Variants in LRCH2 observed in about 807,000 individuals in gnomAD.
LRCH2 encodes leucine rich repeats and calponin homology domain containing 2.
Under a neutral mutation model 68.9 loss-of-function variants are expected in LRCH2, and 38 were observed. The ratio of observed to expected loss-of-function variants is 0.55; its 90% CI spans 0.43 to 0.72. LRCH2 has a LOEUF of 0.72. Ranked by LOEUF, LRCH2 falls within the 30% of genes least tolerant of loss-of-function variation. LRCH2 has a pLI of 0.00. For missense variants in LRCH2, 528 were observed against 572.9 expected, an observed-to-expected ratio of 0.92 and a Z score of 0.80; for synonymous variants, 191 against 208.1, an observed-to-expected ratio of 0.92 and a Z score of 0.71.
intron 1 of LRCH2, chrX:115,189,687 C>G: frequency 8.6e-7 from 1 of 1,168,206 alleles, no homozygotes; most frequent in Non-Finnish European, 1.1e-6. Flanking sequence ...TCATGGTGGC[C>G]CAGACCATCA....
chrX:115,154,769 C>T (rs1556539150), intron 12 of LRCH2, among the ~76,000 whole-genome samples: 1 of 111,202 alleles, frequency 9.0e-6, no homozygotes, highest in Non-Finnish European at 1.9e-5. Context: ...GGAATGCAAA[C>T]ATAAAAGCTT....
intron 16 of LRCH2, among the ~76,000 whole-genome samples, chrX:115,125,454 T>C (rs1482250310): frequency 0.47 from 598 of 1,284 alleles, 42 homozygotes; most frequent in East Asian, 0.5. Flanking sequence ...TATATATATA[T>C]ATATATATAT....
intron 1 of LRCH2, among the ~76,000 whole-genome samples, chrX:115,228,358 A>T (rs1556577174): frequency 9.0e-6 from 1 of 111,323 alleles, no homozygotes; most frequent in South Asian, 3.8e-4. Context: ...TGTAGAGAAA[A>T]AAAGAAAACT....
At chrX:115,200,158 T>C (rs868967252) in intron 1 of LRCH2, among the ~76,000 whole-genome samples, 1 of 110,956 alleles carries the variant, frequency 9.0e-6, no homozygotes, top group Non-Finnish European at 1.9e-5. Flanking sequence ...AGAGGGAAAT[T>C]TGTAGCATTA....
intron 1 of LRCH2, among the ~76,000 whole-genome samples, chrX:115,225,446 C>T (rs782084578): frequency 3.6e-5 from 4 of 111,311 alleles, no homozygotes; most frequent in Non-Finnish European, 7.5e-5. Context: ...AACTCCACCT[C>T]GTGCTATACA....
chrX:115,207,247 A>G (rs1297127993), intron 1 of LRCH2, among the ~76,000 whole-genome samples: 1 of 111,842 alleles, frequency 8.9e-6, no homozygotes, highest in Non-Finnish European at 1.9e-5. Context: ...CGGGGGAAAA[A>G]AAAACAGCTG....
chrX:115,137,954 A>G (rs1350128930), intron 14 of LRCH2, among the ~76,000 whole-genome samples: 1 of 102,367 alleles, frequency 9.8e-6, no homozygotes, highest in East Asian at 3.1e-4. Flanking sequence ...GTCTCAAGAG[A>G]AAAAAAAAAG....
chrX:115,202,477 C>A (rs1463382710), intron 1 of LRCH2, among the ~76,000 whole-genome samples: 15 of 111,605 alleles, frequency 1.3e-4, no homozygotes, highest in Admixed American at 1.1e-3. Context: ...GACTACTATG[C>A]ATGTAATAAA....
At position 115,126,912 on chromosome X, in the gene LRCH2, A is replaced by C; in HGVS notation, c.1741-19T>G. The C allele has an allele frequency of 1.1e-6, 1 of 929,147 alleles. No homozygotes were observed. The highest frequency in any genetic ancestry group is 1.4e-6 in the Non-Finnish European group (1 of 690,562). The allele number at this position is 929,147 out of a possible 1,213,427, so 76.6% of individuals were successfully genotyped here. On this transcript the variant is annotated intron_variant, in intron 15 of 20. Transcript: ENST00000317135. The stretch of plus-strand genomic sequence containing the variant: ...TGTCTTGCTAAAACATAAAAATAAA[A>C]AGATGGAAGATGAAATTACAATACA...
At chrX:115,158,132 A>T (rs190920915) in intron 11 of LRCH2, among the ~76,000 whole-genome samples, 17 of 111,857 alleles carry the variant, frequency 1.5e-4, no homozygotes, top group Admixed American at 1.4e-3. Context: ...AAAAGACTAT[A>T]CAATTCAGCT....
At chrX:115,139,947 G>C (rs1253973302) in intron 14 of LRCH2, among the ~76,000 whole-genome samples, 1 of 111,158 alleles carries the variant, frequency 9.0e-6, no homozygotes, top group Non-Finnish European at 1.9e-5. Flanking sequence ...GCAATTTCTA[G>C]GCAACTCCTA....
rs181636427 is a variant in LRCH2 at position 115,190,390 on chromosome X, T to C, written c.350-2020A>G. On this transcript the variant is annotated intron_variant, in intron 1 of 20. Transcript: ENST00000317135. ...AGGCCCATGCGGCGCTGCCCCTGTG[T>C]GGGGGACACCGCCATCTTATGGAGG... 4.7e-4 allele frequency: 548 copies of C among 1,160,746 alleles called. No homozygotes were observed. The African/African-American group carries it at 8.6e-3, about 18-fold the overall frequency.
At chrX:115,210,024 T>C (rs887971361) in intron 1 of LRCH2, among the ~76,000 whole-genome samples, 1 of 111,382 alleles carries the variant, frequency 9.0e-6, no homozygotes, top group African/African-American at 3.3e-5. Flanking sequence ...AAGCACTCAG[T>C]TTTAAAAGGG....
At chrX:115,131,510 G>C (rs77072500) in intron 14 of LRCH2, among the ~76,000 whole-genome samples, 11,560 of 111,069 alleles carry the variant, frequency 0.1, 591 homozygotes, top group Non-Finnish European at 0.16. Flanking sequence ...TATCATTGTT[G>C]GGCATTTGGG....
At chrX:115,179,225 T>A (rs2072673663) in intron 5 of LRCH2, among the ~76,000 whole-genome samples, 1 of 111,762 alleles carries the variant, frequency 8.9e-6, no homozygotes, top group African/African-American at 3.2e-5. Flanking sequence ...AAAGTTATTA[T>A]CTGGGTTTTC....
At chrX:115,176,914 T>C (rs782470595) in intron 5 of LRCH2, among the ~76,000 whole-genome samples, 1 of 107,885 alleles carries the variant, frequency 9.3e-6, no homozygotes, top group Non-Finnish European at 1.9e-5. Flanking sequence ...ACCCAGCTAA[T>C]TTTTTGTACT....
At chrX:115,217,732 G>A (rs1376943624) in intron 1 of LRCH2, among the ~76,000 whole-genome samples, 2 of 111,562 alleles carry the variant, frequency 1.8e-5, no homozygotes, top group Non-Finnish European at 3.8e-5. Context: ...ATAATGCTTC[G>A]GTTATATACC....
At chrX:115,199,242 CAG>C (rs1452862399) in intron 1 of LRCH2, among the ~76,000 whole-genome samples, 1 of 112,255 alleles carries the variant, frequency 8.9e-6, no homozygotes, top group South Asian at 3.6e-4. Context: ...GAAAAAGAAA[CAG>C]AGAATTTATA....
At chrX:115,171,841 G>A (rs782603568) in intron 5 of LRCH2, among the ~76,000 whole-genome samples, 6 of 108,578 alleles carry the variant, frequency 5.5e-5, no homozygotes, top group Admixed American at 9.9e-5. Context: ...CACCATGCCC[G>A]GCTAATCTTT....
Sources: gnomAD v4.1 joint callset for allele counts (sites outside exome capture counted in the v4.1 genomes callset) on GRCh38, gnomAD v4.1.1 for gene constraint, MANE v1.5 for transcripts, NCBI Gene and HGNC (gene_info 2026-07-23, HGNC 2026-07-21) for gene names.